Variants in KHDRBS3 observed in about 807,000 individuals in gnomAD.
The protein encoded by KHDRBS3 is KH RNA binding domain containing, signal transduction associated 3.
A neutral mutation model predicts 45.6 loss-of-function variants in KHDRBS3; 23 were observed. The observed-to-expected ratio is 0.50, with a 90% confidence interval of 0.36 to 0.72. The LOEUF is 0.72. Ranked by LOEUF, KHDRBS3 falls within the 30% of genes least tolerant of loss-of-function variation. The pLI is 0.00. For synonymous variants in KHDRBS3, 162 were observed against 156.5 expected, an observed-to-expected ratio of 1.04 and a Z score of -0.26; for missense variants, 352 against 424.8, an observed-to-expected ratio of 0.83 and a Z score of 1.51.
At chr8:135,524,265 G>T (rs1266707392) in intron 2 of KHDRBS3, among the ~76,000 whole-genome samples, 1 of 152,110 alleles carries the variant, frequency 6.6e-6, no homozygotes, top group Non-Finnish European at 1.5e-5. Context: ...GCCTCCCAAA[G>T]TGCTGGGATT....
chr8:135,641,527 G>A (rs1193885257), intron 7 of KHDRBS3, among the ~76,000 whole-genome samples: 2 of 152,246 alleles, frequency 1.3e-5, no homozygotes, highest in Non-Finnish European at 2.9e-5. Context: ...TTAGCACTGA[G>A]TTTCCAAGAA....
intron 1 of KHDRBS3, among the ~76,000 whole-genome samples, chr8:135,515,557 A>G (rs568222602): frequency 1.3e-5 from 2 of 151,742 alleles, no homozygotes; most frequent in Non-Finnish European, 2.9e-5. Flanking sequence ...TGTATCATAG[A>G]TATATTTACC....
At chr8:135,638,593 A>G (rs575251510) in intron 7 of KHDRBS3, among the ~76,000 whole-genome samples, 125 of 152,258 alleles carry the variant, frequency 8.2e-4, no homozygotes, top group Non-Finnish European at 1.6e-3. Context: ...TAAATCTTAG[A>G]TGGATAGGAA....
At chr8:135,541,430 G>C (rs1204428258) in intron 2 of KHDRBS3, 1 of 152,004 alleles carries the variant, frequency 6.6e-6, no homozygotes, top group Non-Finnish European at 1.5e-5. Context: ...ATTTTAACAA[G>C]CAAAAAATAA....
chr8:135,593,517 AC>A (rs1476392687), intron 6 of KHDRBS3: 1 of 152,320 alleles, frequency 6.6e-6, no homozygotes, highest in African/African-American at 2.4e-5. Flanking sequence ...TTGTTCTGTC[AC>A]CCAGGCTGGA....
At chr8:135,514,026 G>A (rs903894341) in intron 1 of KHDRBS3, among the ~76,000 whole-genome samples, 10 of 152,164 alleles carry the variant, frequency 6.6e-5, no homozygotes, top group African/African-American at 2.4e-4. Context: ...AATTCCTTCA[G>A]CCGTTCCTTT....
chr8:135,504,108 TGTAA>T (rs1470771315), intron 1 of KHDRBS3, among the ~76,000 whole-genome samples: 2 of 152,176 alleles, frequency 1.3e-5, no homozygotes, highest in Non-Finnish European at 2.9e-5. Flanking sequence ...AGTGTCATAC[TGTAA>T]GTAAGTGCTG....
chr8:135,617,219 C>T (rs1829954197), intron 7 of KHDRBS3, among the ~76,000 whole-genome samples: 1 of 150,812 alleles, frequency 6.6e-6, no homozygotes, highest in African/African-American at 2.4e-5. Context: ...ATTTTATGGC[C>T]TTTTTAGCTA....
chr8:135,598,929 G>A (rs1829089126), intron 6 of KHDRBS3, among the ~76,000 whole-genome samples: 1 of 152,132 alleles, frequency 6.6e-6, no homozygotes, highest in Non-Finnish European at 1.5e-5. Flanking sequence ...ACTCAAAACT[G>A]AAACAGTATT....
chr8:135,504,495 G>C (rs962407912), intron 1 of KHDRBS3, among the ~76,000 whole-genome samples: 19 of 152,308 alleles, frequency 1.2e-4, no homozygotes, highest in African/African-American at 4.3e-4. Context: ...TTCTTTGTCA[G>C]AGGCATAATT....
intron 5 of KHDRBS3, among the ~76,000 whole-genome samples, chr8:135,579,091 G>A (rs1287004796): frequency 1.3e-5 from 2 of 152,090 alleles, no homozygotes; most frequent in Non-Finnish European, 2.9e-5. Context: ...GAGGGGTTTT[G>A]GGGACTATTT....
intron 1 of KHDRBS3, among the ~76,000 whole-genome samples, chr8:135,469,932 CA>C (rs751443054): frequency 4.7e-4 from 72 of 152,336 alleles, no homozygotes; most frequent in Non-Finnish European, 9.6e-4. Context: ...GCAGCTTGAG[CA>C]TAAAGATGGA....
chr8:135,630,129 A>G (rs933469735), intron 7 of KHDRBS3, among the ~76,000 whole-genome samples: 2 of 152,214 alleles, frequency 1.3e-5, no homozygotes, highest in Non-Finnish European at 2.9e-5. Context: ...AGAACCTGGA[A>G]CAAGTAATTG....
chr8:135,507,776 G>GT (rs1356591044), intron 1 of KHDRBS3, among the ~76,000 whole-genome samples: 2 of 152,138 alleles, frequency 1.3e-5, no homozygotes, highest in Non-Finnish European at 2.9e-5. Context: ...CTCATTTTCA[G>GT]TAATTCTGTA....
At chr8:135,571,667 G>A (rs1196084475) in intron 5 of KHDRBS3, among the ~76,000 whole-genome samples, 1 of 152,050 alleles carries the variant, frequency 6.6e-6, no homozygotes, top group Non-Finnish European at 1.5e-5. Flanking sequence ...TAGTGCTGGC[G>A]GGAAGTCATC....
intron 7 of KHDRBS3, among the ~76,000 whole-genome samples, chr8:135,642,915 C>A (rs913879575): frequency 3.9e-5 from 6 of 151,936 alleles, no homozygotes; most frequent in African/African-American, 1.5e-4. Context: ...GCCTCAGCAT[C>A]CCAAGTAGCT....
At chr8:135,638,963 G>A (rs555880904) in intron 7 of KHDRBS3, among the ~76,000 whole-genome samples, 27 of 127,220 alleles carry the variant, frequency 2.1e-4, no homozygotes, top group Admixed American at 1.8e-3. Flanking sequence ...GTGAGACTCC[G>A]TCTCAAAAAA....
At chr8:135,565,530 A>G (rs1385079957) in intron 5 of KHDRBS3, among the ~76,000 whole-genome samples, 1 of 152,150 alleles carries the variant, frequency 6.6e-6, no homozygotes, top group Admixed American at 6.5e-5. Context: ...CTAACTGCAG[A>G]CTGTATCTCT....
chr8:135,624,371 G>C (rs1216859398), intron 7 of KHDRBS3, among the ~76,000 whole-genome samples: 2 of 152,148 alleles, frequency 1.3e-5, no homozygotes, highest in East Asian at 3.8e-4. Flanking sequence ...CCAGAGATGT[G>C]GGCAAGTCCC....
Sources: gnomAD v4.1 joint callset for allele counts (sites outside exome capture counted in the v4.1 genomes callset) on GRCh38, gnomAD v4.1.1 for gene constraint, MANE v1.5 for transcripts, NCBI Gene and HGNC (gene_info 2026-07-23, HGNC 2026-07-21) for gene names.